The following LIPI variants were observed in gnomAD, a reference collection of about 807,000 sequenced individuals.
LIPI encodes lipase member I.
In LIPI, 59 loss-of-function variants were observed where a neutral mutation model predicts 50.6. That is an observed-to-expected ratio of 1.16 (90% CI 0.94 to 1.45). The LOEUF (loss-of-function observed/expected upper bound fraction) is 1.45. Among genes scored for constraint, LIPI ranks in the 40% most tolerant of loss-of-function variants. The pLI is 0.00. For synonymous variants in LIPI, 203 were observed against 178.2 expected (o/e 1.14, Z -1.11); for missense variants, 586 against 536.3 (o/e 1.09, Z -0.92).
At chr21:14,146,394 C>A (rs867784923) in intron 8 of LIPI, among the ~76,000 whole-genome samples, 10 of 152,162 alleles carry the variant, frequency 6.6e-5, no homozygotes, top group African/African-American at 2.4e-4. Flanking sequence ...TTGATAGTGC[C>A]CTTCTTTCAA....
chr21:14,199,293 C>T (rs1310742113), intron 1 of LIPI, among the ~76,000 whole-genome samples: 1 of 151,176 alleles, frequency 6.6e-6, no homozygotes, highest in Non-Finnish European at 1.5e-5. Context: ...TTCAAGAGAT[C>T]AATGAATCTA....
intron 8 of LIPI, 74 bp from the exon 9 acceptor site, chr21:14,144,873 C>T (rs1293620249): frequency 9.6e-7 from 1 of 1,043,542 alleles, no homozygotes; most frequent in African/African-American, 1.6e-5. Flanking sequence ...CAATATAATC[C>T]TAATAAGGGA....
chr21:14,182,029 T>A (rs17305808), intron 3 of LIPI, among the ~76,000 whole-genome samples, 170 bp from the exon 4 acceptor site: 5,134 of 152,296 alleles, frequency 0.034, 212 homozygotes, highest in East Asian at 0.23. Flanking sequence ...GCAGGTAACT[T>A]CAGTATTTGA....
At chr21:14,121,397 T>C (rs1439172503) in intron 9 of LIPI, among the ~76,000 whole-genome samples, 1 of 152,188 alleles carries the variant, frequency 6.6e-6, no homozygotes, top group African/African-American at 2.4e-5. Context: ...GGTGTACCCC[T>C]ACTACATTAA....
At chr21:14,155,659 A>G (rs960754677) in intron 7 of LIPI, among the ~76,000 whole-genome samples, 6 of 152,024 alleles carry the variant, frequency 3.9e-5, no homozygotes, top group African/African-American at 1.4e-4. Flanking sequence ...GGTCAAAAGA[A>G]AATATAACAT....
intron 9 of LIPI, among the ~76,000 whole-genome samples, chr21:14,120,086 C>T (rs183735705): frequency 2.8e-4 from 43 of 152,262 alleles, no homozygotes; most frequent in African/African-American, 9.1e-4. Flanking sequence ...GGGAAGCCCC[C>T]GTTATGTGCC....
intron 1 of LIPI, among the ~76,000 whole-genome samples, chr21:14,198,909 C>T (rs546015119): frequency 6.6e-6 from 1 of 152,204 alleles, no homozygotes; most frequent in South Asian, 2.1e-4. Context: ...AACAAAAAGT[C>T]TCTCATACCA....
At chr21:14,187,087 T>C (rs2019481075) in intron 2 of LIPI, among the ~76,000 whole-genome samples, 1 of 152,168 alleles carries the variant, frequency 6.6e-6, no homozygotes, top group Non-Finnish European at 1.5e-5. Flanking sequence ...ATAATGATTC[T>C]CACTTCAGAG....
intron 9 of LIPI, among the ~76,000 whole-genome samples, chr21:14,124,993 C>CG (rs914845591): frequency 2.8e-5 from 4 of 144,936 alleles, no homozygotes; most frequent in Non-Finnish European, 3.0e-5. Context: ...AACTCCACCT[C>CG]GAAAAAAAAA....
intron 9 of LIPI, among the ~76,000 whole-genome samples, chr21:14,109,322 C>T (rs1314814880): frequency 6.6e-6 from 1 of 152,046 alleles, no homozygotes; most frequent in Non-Finnish European, 1.5e-5. Context: ...TTTCTCACTG[C>T]TTTATTGGAA....
At chr21:14,177,794 C>A (rs889112914) in intron 4 of LIPI, among the ~76,000 whole-genome samples, 3 of 152,082 alleles carry the variant, frequency 2.0e-5, no homozygotes, top group Non-Finnish European at 4.4e-5. Flanking sequence ...TCAACATATG[C>A]TTAGATTTAA....
intron 8 of LIPI, among the ~76,000 whole-genome samples, chr21:14,148,214 T>C (rs1417190755): frequency 6.6e-6 from 1 of 152,150 alleles, no homozygotes; most frequent in Non-Finnish European, 1.5e-5. Flanking sequence ...GGAAGAATGA[T>C]TATAAACCAA....
chr21:14,172,666 T>C (rs959214794), intron 4 of LIPI, among the ~76,000 whole-genome samples: 41 of 146,870 alleles, frequency 2.8e-4, no homozygotes, highest in African/African-American at 9.9e-4. Flanking sequence ...AATTGAACAA[T>C]GAGAACACAT....
Position 14,130,351 on chromosome 21 carries a change from G to C in LIPI, c.1295+14272C>G, listed in dbSNP as rs570826809. On this transcript the variant is annotated intron_variant, in intron 9 of 9. Coordinates refer to ENST00000681601, the MANE Select transcript of LIPI (RefSeq NM_001302998.2). ...CAAGACTCTGTCTAAGAGAGAGAGA[G>C]AGAGACAAAAGTGAAATGTGAAAGA... 1.6e-4 allele frequency among the ~76,000 whole-genome samples: 25 copies of C among 152,264 alleles called. 1 individual carries two copies. In the South Asian group the frequency reaches 5.2e-3, roughly 32 times the overall value.
At chr21:14,210,720 AT>A in intron 1 of LIPI, 79 bp downstream of exon 1, 1 of 457,416 alleles carries the variant, frequency 2.2e-6, no homozygotes, top group Non-Finnish European at 3.3e-6. Context: ...ATATCATAAC[AT>A]TCTTTATCCC....
chr21:14,147,360 A>T (rs1010976505), intron 8 of LIPI, among the ~76,000 whole-genome samples: 1 of 152,128 alleles, frequency 6.6e-6, no homozygotes, highest in African/African-American at 2.4e-5. Flanking sequence ...TAATTATTTG[A>T]CTATCCTTAT....
At chr21:14,166,476 CACA>C (rs746200033) in intron 4 of LIPI, 25 bp from the exon 5 acceptor site, 23 of 1,203,390 alleles carry the variant, frequency 1.9e-5, no homozygotes, top group Middle Eastern at 3.8e-4. Flanking sequence ...ACCCAAGAAT[CACA>C]ACATGTATAT....
In LIPI at chr21:14,190,777, G is replaced by A. The variant is rs75829186; in HGVS notation, c.47-1358C>T. Reference sequence around the variant, plus strand: ...ATACAATATGAATGCATGCTACACCGTGCAAATTGTGTGGGAAATCTATAC... The same window carrying A: ...ATACAATATGAATGCATGCTACACCATGCAAATTGTGTGGGAAATCTATAC... On this transcript the variant is annotated intron_variant, in intron 1 of 9. Coordinates refer to ENST00000681601, the MANE Select transcript of LIPI (RefSeq NM_001302998.2). Among the ~76,000 whole-genome samples the A allele has an allele frequency of 4.7e-3, 711 of 152,212 alleles. 5 individuals are homozygous for A. Among genetic ancestry groups the A allele is most frequent in the African/African-American group, 0.013 (558 of 41,548 alleles).
intron 4 of LIPI, among the ~76,000 whole-genome samples, chr21:14,175,893 A>G (rs2019075624): frequency 6.6e-6 from 1 of 152,138 alleles, no homozygotes; most frequent in Non-Finnish European, 1.5e-5. Flanking sequence ...AGAAGGCACA[A>G]GTGGGCCGGG....
Sources: allele counts gnomAD v4.1 joint callset (sites outside exome capture counted in the v4.1 genomes callset), GRCh38; gene constraint gnomAD v4.1.1; transcripts MANE v1.5; gene names NCBI Gene and HGNC (gene_info 2026-07-23, HGNC 2026-07-21).